Variants in KALRN observed in about 807,000 individuals in gnomAD.
KALRN encodes kalirin.
KALRN carries 70 observed loss-of-function variants against 353.7 expected under a neutral mutation model. The observed-to-expected ratio is 0.20, with a 90% CI of 0.16 to 0.24. The LOEUF (loss-of-function observed/expected upper bound fraction) is 0.24. Among genes scored for constraint, KALRN ranks in the 10% least tolerant of loss-of-function variants. KALRN has a pLI of 1.00. For missense variants in KALRN, 2,791 were observed against 3,756.7 expected (o/e 0.74, Z 6.72); for synonymous variants, 1,391 against 1,434.8 (o/e 0.97, Z 0.69).
intron 3 of KALRN, among the ~76,000 whole-genome samples, chr3:124,264,120 A>G (rs2073229223): frequency 1.3e-5 from 2 of 150,378 alleles, no homozygotes; most frequent in South Asian, 4.2e-4. Flanking sequence ...GAGTATCTCT[A>G]ATCCGAAAAT....
intron 33 of KALRN, among the ~76,000 whole-genome samples, chr3:124,510,826 C>T (rs1372886920): frequency 1.3e-5 from 2 of 152,180 alleles, no homozygotes; most frequent in Admixed American, 6.5e-5. Flanking sequence ...ACTCCCCATT[C>T]TTCAACAATA....
chr3:124,305,361 C>T (rs1346735856), intron 6 of KALRN, among the ~76,000 whole-genome samples: 1 of 152,154 alleles, frequency 6.6e-6, no homozygotes, highest in Non-Finnish European at 1.5e-5. Context: ...AAAGAGATCT[C>T]CTGGGGCCAG....
chr3:124,316,899 G>A (rs1312432935), intron 6 of KALRN, among the ~76,000 whole-genome samples: 1 of 152,140 alleles, frequency 6.6e-6, no homozygotes, highest in Non-Finnish European at 1.5e-5. Context: ...CAGCTATAAG[G>A]CAAGATATTG....
intron 1 of KALRN, among the ~76,000 whole-genome samples, chr3:124,093,523 A>C (rs1577979376): frequency 6.6e-6 from 1 of 152,238 alleles, no homozygotes; most frequent in Non-Finnish European, 1.5e-5. Flanking sequence ...TTGGGCAAGG[A>C]CTGGGCACCC....
At chr3:124,649,183 T>G (rs1697918504) in intron 37 of KALRN, among the ~76,000 whole-genome samples, 1 of 152,216 alleles carries the variant, frequency 6.6e-6, no homozygotes, top group South Asian at 2.1e-4. Context: ...AATCTTCATA[T>G]TCTCCATCTT....
intron 5 of KALRN, among the ~76,000 whole-genome samples, chr3:124,294,520 CTT>C (rs397990993): frequency 4.1e-5 from 3 of 73,900 alleles, no homozygotes; most frequent in African/African-American, 1.0e-4. Context: ...AGATTCTCTT[CTT>C]TTTTTTTTTT....
At chr3:124,180,988 C>T (rs12630583) in intron 1 of KALRN, among the ~76,000 whole-genome samples, 82,919 of 149,582 alleles carry the variant, frequency 0.55, 25,064 homozygotes, top group Non-Finnish European at 0.68. Context: ...CCTAGCCCTT[C>T]GGGAGGCTGA....
At position 124,674,606 on chromosome 3, in the gene KALRN, G is replaced by A. The variant is rs1317021680; in HGVS notation, c.7185G>A (p.Gly2395=). The A allele has an allele frequency of 6.3e-7, 1 of 1,587,884 alleles. No homozygotes were observed. The highest frequency in any genetic ancestry group is 1.3e-5 in the African/African-American group (1 of 74,358). The change falls in exon 49 of 60, where the codon GGG becomes GGA. Residue 2395 remains glycine (G), a synonymous_variant. Coordinates refer to ENST00000682506, the MANE Select transcript of KALRN (RefSeq NM_001388419.1). ...TKATAAESSD[G]SIKKSCSWHT... is the part of the protein sequence containing the mutation. ...CCACAGCAGCAGAAAGTAGTGACGG[G>A]AGCATCAAGTAAGTGCCTCGTTGGC...
intron 33 of KALRN, chr3:124,504,825 C>T (rs949994329): frequency 1.5e-5 from 7 of 471,300 alleles, no homozygotes; most frequent in African/African-American, 1.0e-4. Flanking sequence ...AGCCCCACCA[C>T]AGCCCAACTC....
At chr3:124,540,332 A>C (rs1166591549) in intron 33 of KALRN, among the ~76,000 whole-genome samples, 1 of 152,234 alleles carries the variant, frequency 6.6e-6, no homozygotes, top group Non-Finnish European at 1.5e-5. Context: ...AATATATGTC[A>C]GGGTAGCCAT....
intron 19 of KALRN, among the ~76,000 whole-genome samples, chr3:124,445,128 G>A (rs2150654422): frequency 6.6e-6 from 1 of 152,208 alleles, no homozygotes. Context: ...GAACAACCCT[G>A]AGCTAGTTAC....
chr3:124,678,103 G>T (rs891186609), intron 49 of KALRN, 87 bp from the exon 50 acceptor site: 1 of 1,438,508 alleles, frequency 7.0e-7, no homozygotes, highest in Admixed American at 1.7e-5. Flanking sequence ...CACCTCACCT[G>T]CTGACTCACC....
intron 1 of KALRN, among the ~76,000 whole-genome samples, chr3:124,182,563 C>T (rs781065988): frequency 2.6e-5 from 4 of 152,224 alleles, no homozygotes; most frequent in Non-Finnish European, 5.9e-5. Flanking sequence ...AGCCTAGCCA[C>T]AGAAGTGATC....
intron 1 of KALRN, among the ~76,000 whole-genome samples, chr3:124,112,939 T>C (rs1387116142): frequency 6.6e-6 from 1 of 152,142 alleles, no homozygotes; most frequent in Non-Finnish European, 1.5e-5. Context: ...TCTCCTTTGA[T>C]TACCTCCATG....
chr3:124,444,270 T>C (rs1289454189), intron 19 of KALRN, among the ~76,000 whole-genome samples: 3 of 152,170 alleles, frequency 2.0e-5, no homozygotes, highest in Non-Finnish European at 4.4e-5. Context: ...GGGCAGCAGT[T>C]ACCCAGGAGA....
At chr3:124,348,836 G>A (rs1214699174) in intron 10 of KALRN, among the ~76,000 whole-genome samples, 4 of 151,880 alleles carry the variant, frequency 2.6e-5, no homozygotes, top group African/African-American at 7.3e-5. Context: ...TCCTGCCTTA[G>A]CCTACTGAGT....
chr3:124,076,611 G>A (rs1405173825), intron 1 of KALRN, among the ~76,000 whole-genome samples: 1 of 152,214 alleles, frequency 6.6e-6, no homozygotes, highest in East Asian at 1.9e-4. Flanking sequence ...CAACTCCTGA[G>A]TCTTGCAATG....
At chr3:124,073,850 C>G (rs1029341892) in intron 1 of KALRN, among the ~76,000 whole-genome samples, 12 of 152,112 alleles carry the variant, frequency 7.9e-5, no homozygotes, top group African/African-American at 2.4e-4. Flanking sequence ...TAGGCTTTTG[C>G]AGGTGACACA....
intron 38 of KALRN, 121 bp downstream of exon 38, chr3:124,651,059 A>G (rs919870057): frequency 1.5e-5 from 18 of 1,235,742 alleles, no homozygotes; most frequent in South Asian, 1.4e-5. Flanking sequence ...CTTTCATTCT[A>G]AGACTCAGAT....
Sources: allele counts gnomAD v4.1 joint callset (sites outside exome capture counted in the v4.1 genomes callset), GRCh38; gene constraint gnomAD v4.1.1; transcripts MANE v1.5; gene names NCBI Gene and HGNC (gene_info 2026-07-23, HGNC 2026-07-21).